Variants in ZNF883 observed in about 807,000 individuals in gnomAD.
The protein encoded by ZNF883 is zinc finger protein 883.
chr9:113,006,866 T>C (rs1327011176), intron 2 of ZNF883, among the ~76,000 whole-genome samples: 1 of 150,794 alleles, frequency 6.6e-6, no homozygotes, highest in Admixed American at 6.6e-5. Context: ...GGCTAGATTT[T>C]ATCTTTCTGA....
At chr9:112,988,211 T>C (rs796617131) in intron 1 of ZNF883, among the ~76,000 whole-genome samples, 55 of 152,302 alleles carry the variant, frequency 3.6e-4, no homozygotes, top group African/African-American at 1.2e-3. Flanking sequence ...TAAGTAAACA[T>C]GTGCCATGGT....
intron 2 of ZNF883, among the ~76,000 whole-genome samples, chr9:113,008,644 A>G (rs903138539): frequency 6.6e-6 from 1 of 152,172 alleles, no homozygotes; most frequent in Non-Finnish European, 1.5e-5. Flanking sequence ...AATTATGTCT[A>G]TATAGCTAAA....
At chr9:113,009,941 A>G (rs986670314) in intron 2 of ZNF883, among the ~76,000 whole-genome samples, 2 of 152,198 alleles carry the variant, frequency 1.3e-5, no homozygotes, top group Non-Finnish European at 2.9e-5. Context: ...ACTATGAATG[A>G]TGTTCAGTAG....
At chr9:112,992,445 C>A (rs1225737138), downstream of ZNF883, among the ~76,000 whole-genome samples, 1 of 152,176 alleles carries the variant, frequency 6.6e-6, no homozygotes, top group African/African-American at 2.4e-5. Context: ...GCTGAGAGGT[C>A]TGCTGTTATT....
At chr9:113,005,246 CAT>C (rs1280372310) in intron 2 of ZNF883, among the ~76,000 whole-genome samples, 6 of 152,002 alleles carry the variant, frequency 3.9e-5, no homozygotes, top group Admixed American at 6.5e-5. Context: ...AGACAAAAGA[CAT>C]ATTGGGAGTA....
At chr9:113,002,681 T>A (rs921080849), upstream of ZNF883, among the ~76,000 whole-genome samples, 4 of 152,188 alleles carry the variant, frequency 2.6e-5, no homozygotes, top group African/African-American at 9.7e-5. Flanking sequence ...TTACAGCTTG[T>A]TTTTCTTTTA....
chr9:112,990,739 G>A (rs1179652755), intron 1 of ZNF883, among the ~76,000 whole-genome samples: 1 of 152,052 alleles, frequency 6.6e-6, no homozygotes, highest in Admixed American at 6.5e-5. Flanking sequence ...AATCCATCTG[G>A]TCCTGGGCTT....
chr9:112,995,200 A>G (rs1269708455), downstream of ZNF883, among the ~76,000 whole-genome samples: 2 of 151,206 alleles, frequency 1.3e-5, no homozygotes, highest in African/African-American at 4.8e-5. Context: ...CCCAAATAGA[A>G]TAAAAGGCTG....
At chr9:112,997,564 A>G in exon 1 of ZNF883, 1 of 1,614,088 alleles carries the variant, frequency 6.2e-7, no homozygotes, top group East Asian at 2.2e-5. Context: ...GTTTTTCTCC[A>G]GTATGAATTC....
chr9:112,997,595 G>A, exon 1 of ZNF883: 1 of 1,614,054 alleles, frequency 6.2e-7, no homozygotes, highest in Admixed American at 1.7e-5. Context: ...AATGAAGGCT[G>A]GGGTATGGCT....
At chr9:113,011,082 T>C (rs1217036359) in intron 2 of ZNF883, 59 bp downstream of exon 2, 1 of 152,010 alleles carries the variant, frequency 6.6e-6, no homozygotes, top group Non-Finnish European at 1.5e-5. Context: ...CACTGCAAGA[T>C]GGAACTTTAG....
At chr9:112,998,234 G>T (rs573613410) in exon 1 of ZNF883, 1 of 1,598,598 alleles carries the variant, frequency 6.3e-7, no homozygotes, top group Non-Finnish European at 8.5e-7. Flanking sequence ...TGGGTTCGCG[G>T]TCATATAAAT....
At chr9:112,995,775 A>C (rs967225123), downstream of ZNF883, among the ~76,000 whole-genome samples, 3 of 152,166 alleles carry the variant, frequency 2.0e-5, no homozygotes, top group Non-Finnish European at 2.9e-5. Flanking sequence ...AATAAACCTT[A>C]GTACTGACTT....
At chr9:113,011,738 C>T (rs2118633816) in intron 1 of ZNF883, among the ~76,000 whole-genome samples, 1 of 152,266 alleles carries the variant, frequency 6.6e-6, no homozygotes, top group African/African-American at 2.4e-5. Flanking sequence ...ACGTATATCA[C>T]GGTTTTCTTG....
intron 1 of ZNF883, among the ~76,000 whole-genome samples, chr9:112,990,499 T>C (rs1828291514): frequency 6.6e-6 from 1 of 152,256 alleles, no homozygotes; most frequent in Non-Finnish European, 1.5e-5. Flanking sequence ...TTTGATGTGC[T>C]CCTGGATTCA....
exon 1 of ZNF883, chr9:112,997,526 G>A: frequency 6.2e-7 from 1 of 1,614,070 alleles, no homozygotes; most frequent in Non-Finnish European, 8.5e-7. Context: ...CCGATTGAAG[G>A]CCTTTCCACA....
downstream of ZNF883, chr9:112,997,015 T>C (rs1451519009): frequency 1.8e-6 from 2 of 1,119,102 alleles, no homozygotes; most frequent in African/African-American, 1.6e-5. Context: ...TAAATGAGTG[T>C]TTTGCCTAAG....
chr9:112,994,309 G>A (rs758246251), downstream of ZNF883, among the ~76,000 whole-genome samples: 2 of 151,458 alleles, frequency 1.3e-5, no homozygotes, highest in Non-Finnish European at 2.9e-5. Context: ...CACTCTCCGT[G>A]CTTTTCCTCA....
exon 1 of ZNF883, chr9:112,997,618 A>G: frequency 2.5e-6 from 4 of 1,613,856 alleles, no homozygotes; most frequent in Non-Finnish European, 3.4e-6. Context: ...AAGCTTTCCC[A>G]CATTCATTAC....
Sources: gnomAD v4.1 joint callset for allele counts (sites outside exome capture counted in the v4.1 genomes callset) on GRCh38, gnomAD v4.1.1 for gene constraint, MANE v1.5 for transcripts, NCBI Gene and HGNC (gene_info 2026-07-23, HGNC 2026-07-21) for gene names.